Variants in ACMSD observed in about 807,000 individuals in gnomAD.
ACMSD encodes the protein aminocarboxymuconate semialdehyde decarboxylase.
A neutral mutation model predicts 45.9 loss-of-function variants in ACMSD; 37 were observed. The ratio of observed to expected loss-of-function variants is 0.81; its 90% confidence interval spans 0.62 to 1.06. The LOEUF (loss-of-function observed/expected upper bound fraction) is 1.06. ACMSD is among the 50% of genes least tolerant of loss of function. The pLI, the probability that ACMSD is intolerant of heterozygous loss-of-function variation, is 0.00. For missense variants in ACMSD, 434 were observed against 420.9 expected (o/e 1.03, Z -0.27); for synonymous variants, 138 against 148.8 (o/e 0.93, Z 0.53).
In ACMSD at chr2:134,845,246, G is replaced by A; in HGVS notation, c.71G>A (p.Gly24Glu). ...TCCCCACTGCAGAGGTTTGGCTACGGAGGCTGGGTGCAGCTCCAACACCAC... is the reference window on the plus strand; with the variant it reads ...TCCCCACTGCAGAGGTTTGGCTACGAAGGCTGGGTGCAGCTCCAACACCAC... Reference protein sequence around the residue: ...WPDLKKRFGYGGWVQLQHHSK... With the variant: ...WPDLKKRFGYEGWVQLQHHSK... The change falls in exon 2 of 10, where the codon GGA becomes GAA. Residue 24 changes from glycine (G) to glutamate (E), a missense_variant. By Grantham distance (98) the Gly-to-Glu change is moderately conservative (BLOSUM62 -2). Coordinates refer to ENST00000356140, the MANE Select transcript of ACMSD (RefSeq NM_138326.3). The A allele has an allele frequency of 6.2e-7, 1 of 1,614,080 alleles. No individual in the cohort carries two copies. The highest frequency in any genetic ancestry group is 8.5e-7 in the Non-Finnish European group (1 of 1,180,000).
chr2:134,840,896 C>T (rs554563050), intron 1 of ACMSD, among the ~76,000 whole-genome samples: 24 of 152,244 alleles, frequency 1.6e-4, no homozygotes, highest in Admixed American at 1.3e-3. Flanking sequence ...CAATTTTAGT[C>T]TTTTATCCCT....
intron 1 of ACMSD, among the ~76,000 whole-genome samples, chr2:134,839,179 A>G (rs1686668727): frequency 6.6e-6 from 1 of 152,222 alleles, no homozygotes; most frequent in African/African-American, 2.4e-5. Context: ...AATAAGTTTT[A>G]GAAGCACCAA....
At chr2:134,897,741 C>T (rs1690247121) in intron 8 of ACMSD, among the ~76,000 whole-genome samples, 1 of 151,890 alleles carries the variant, frequency 6.6e-6, no homozygotes, top group African/African-American at 2.4e-5. Context: ...GATTGACAAG[C>T]CTACGTATTT....
intron 2 of ACMSD, among the ~76,000 whole-genome samples, chr2:134,858,955 C>A (rs1473575571): frequency 6.8e-6 from 1 of 147,092 alleles, no homozygotes; most frequent in Non-Finnish European, 1.5e-5. Context: ...ATCTAGTAGC[C>A]AGGGGTTCAG....
chr2:134,875,372 C>T (rs1688681798), intron 8 of ACMSD, among the ~76,000 whole-genome samples: 1 of 152,134 alleles, frequency 6.6e-6, no homozygotes, highest in African/African-American at 2.4e-5. Flanking sequence ...ATAAACTTTA[C>T]TTTGATAAAT....
intron 9 of ACMSD, among the ~76,000 whole-genome samples, chr2:134,900,577 G>A (rs906675460): frequency 8.5e-5 from 13 of 152,206 alleles, no homozygotes; most frequent in African/African-American, 2.9e-4. Flanking sequence ...AAAATTATAT[G>A]TTGAGGTTGC....
chr2:134,895,916 T>C (rs907833443), intron 8 of ACMSD, among the ~76,000 whole-genome samples: 1 of 151,940 alleles, frequency 6.6e-6, no homozygotes, highest in Non-Finnish European at 1.5e-5. Context: ...AAAAACAAAA[T>C]TGGCACAGTC....
chr2:134,898,314 C>A, intron 8 of ACMSD, 27 bp from the exon 9 acceptor site: 3 of 1,456,628 alleles, frequency 2.1e-6, no homozygotes, highest in Non-Finnish European at 2.8e-6. Context: ...TACAAAACAA[C>A]AGAGAAATAT....
chr2:134,863,743 G>A (rs1423090343), intron 5 of ACMSD, 112 bp downstream of exon 5: 7 of 1,077,544 alleles, frequency 6.5e-6, no homozygotes, highest in African/African-American at 1.6e-5. Flanking sequence ...AGGGGAGAGC[G>A]GTGTCCACGA....
intron 6 of ACMSD, among the ~76,000 whole-genome samples, chr2:134,868,451 CTTTTTT>C (rs1170969126): frequency 1.6e-5 from 2 of 124,208 alleles, no homozygotes; most frequent in African/African-American, 3.1e-5. Flanking sequence ...ATATTTTTTT[CTTTTTT>C]TTTTTTTTTT....
At chr2:134,852,388 G>C (rs368437332) in intron 2 of ACMSD, among the ~76,000 whole-genome samples, 1 of 152,160 alleles carries the variant, frequency 6.6e-6, no homozygotes, top group Non-Finnish European at 1.5e-5. Flanking sequence ...GAGAGGATGA[G>C]GGTGTGGAAC....
chr2:134,889,026 C>T (rs1278932619), intron 8 of ACMSD, among the ~76,000 whole-genome samples: 3 of 152,088 alleles, frequency 2.0e-5, no homozygotes, highest in Admixed American at 2.0e-4. Context: ...ACATTGAATG[C>T]TAGCTAGTAG....
chr2:134,885,594 C>A (rs1270069631), intron 8 of ACMSD, among the ~76,000 whole-genome samples: 1 of 149,362 alleles, frequency 6.7e-6, no homozygotes, highest in Non-Finnish European at 1.5e-5. Flanking sequence ...GAGTTTTATT[C>A]TAAACTTGTA....
At chr2:134,864,624 A>AT (rs11371015) in intron 5 of ACMSD, among the ~76,000 whole-genome samples, 88,803 of 152,038 alleles carry the variant, frequency 0.58, 27,649 homozygotes, top group Middle Eastern at 0.91. Context: ...TAATTAAGAT[A>AT]TTTTTAAGTC....
At chr2:134,848,533 A>G (rs1687185653) in intron 2 of ACMSD, among the ~76,000 whole-genome samples, 1 of 152,196 alleles carries the variant, frequency 6.6e-6, no homozygotes, top group Non-Finnish European at 1.5e-5. Flanking sequence ...ATGACCAGTG[A>G]TGATGAGCTT....
intron 5 of ACMSD, 110 bp from the exon 6 acceptor site, chr2:134,867,469 T>G (rs1370563780): frequency 2.8e-6 from 2 of 723,148 alleles, no homozygotes; most frequent in South Asian, 1.9e-5. Context: ...TTTAGTTTAT[T>G]TGTGCAGACC....
chr2:134,871,069 C>G lies in ACMSD; in HGVS notation c.676+9C>G. The G allele has an allele frequency of 6.2e-7, 1 of 1,610,724 alleles. No individual in the cohort carries two copies. Among genetic ancestry groups the G allele is most frequent in the African/African-American group, 1.3e-5 (1 of 74,962 alleles). ...GTGTTTCGCACATGGTGGTAAGACC[C>G]TATCTTTATTAGTCAGCTCAGGCTG... is the stretch of plus-strand genomic sequence containing the variant. On this transcript the variant is annotated intron_variant, in intron 7 of 9. Transcript: ENST00000356140.
chr2:134,864,142 A>G (rs919606398), intron 5 of ACMSD, among the ~76,000 whole-genome samples: 1 of 151,532 alleles, frequency 6.6e-6, no homozygotes, highest in Admixed American at 6.6e-5. Flanking sequence ...GTAGTGCCAC[A>G]CCCCTGTAAT....
In ACMSD at chr2:134,862,412, C is replaced by T. The variant is rs543480599; in HGVS notation, c.249+394C>T. ...AATCATGACCTAATATATCACCTCTCCAAGGGAAAAACACAATTCAGAAGG... is the reference window on the plus strand; with the variant it reads ...AATCATGACCTAATATATCACCTCTTCAAGGGAAAAACACAATTCAGAAGG... On this transcript the variant is annotated intron_variant, in intron 4 of 9. Transcript: ENST00000356140. 2.6e-5 allele frequency among the ~76,000 whole-genome samples: 4 copies of T among 152,218 alleles called. No homozygotes were observed. In the East Asian group the frequency reaches 7.7e-4, roughly 29 times the overall value.
Sources: gnomAD v4.1 joint callset for allele counts (sites outside exome capture counted in the v4.1 genomes callset) on GRCh38, gnomAD v4.1.1 for gene constraint, MANE v1.5 for transcripts, NCBI Gene and HGNC (gene_info 2026-07-23, HGNC 2026-07-21) for gene names.